The following SUSD6 variants were observed in gnomAD, a reference collection of about 807,000 sequenced individuals.
SUSD6 encodes sushi domain-containing protein 6.
A neutral mutation model predicts 28.4 loss-of-function variants in SUSD6; 16 were observed. The ratio of observed to expected loss-of-function variants is 0.56; its 90% CI spans 0.38 to 0.86. The LOEUF (loss-of-function observed/expected upper bound fraction) is 0.86. Ranked by LOEUF, SUSD6 falls within the 40% of genes least tolerant of loss-of-function variation. SUSD6 has a pLI of 0.00. For synonymous variants in SUSD6, 147 were observed against 159.6 expected (o/e 0.92, Z 0.59); for missense variants, 341 against 384.2 (o/e 0.89, Z 0.94).
chr14:69,646,696 C>T (rs1885431592), intron 1 of SUSD6, among the ~76,000 whole-genome samples: 4 of 113,752 alleles, frequency 3.5e-5, no homozygotes, highest in Admixed American at 2.2e-4. Flanking sequence ...TTTTTTTTTT[C>T]CATCTTTTTT....
intron 1 of SUSD6, among the ~76,000 whole-genome samples, chr14:69,654,666 C>T (rs1159222263): frequency 6.6e-6 from 1 of 152,036 alleles, no homozygotes; most frequent in African/African-American, 2.4e-5. Context: ...CAAAGTACAA[C>T]ACTCAATATA....
At chr14:69,670,647 C>A in intron 2 of SUSD6, 1 of 414,204 alleles carries the variant, frequency 2.4e-6, no homozygotes, top group South Asian at 1.7e-5. Context: ...ACTCTACGTC[C>A]CTCAGTTCTT....
intron 1 of SUSD6, among the ~76,000 whole-genome samples, chr14:69,640,412 T>G (rs1328636385): frequency 6.6e-6 from 1 of 152,098 alleles, no homozygotes; most frequent in Non-Finnish European, 1.5e-5. Context: ...TAGCTTACTG[T>G]AACCTCGAAC....
intron 1 of SUSD6, among the ~76,000 whole-genome samples, chr14:69,618,546 G>A (rs1884991552): frequency 6.6e-6 from 1 of 152,216 alleles, no homozygotes; most frequent in Non-Finnish European, 1.5e-5. Context: ...TGGTTACACT[G>A]CAGAGAAACA....
intron 3 of SUSD6, chr14:69,703,919 C>G (rs1207567990): frequency 2.9e-6 from 1 of 340,602 alleles, no homozygotes; most frequent in Non-Finnish European, 5.5e-6. Context: ...AATACCTTCT[C>G]TAATGTATCG....
chr14:69,685,182 G>C (rs543238397), intron 2 of SUSD6, among the ~76,000 whole-genome samples: 1 of 152,338 alleles, frequency 6.6e-6, no homozygotes, highest in South Asian at 2.1e-4. Flanking sequence ...TTGTCCTTTT[G>C]TGGTGGGTGA....
chr14:69,626,747 A>G (rs1885120453), intron 1 of SUSD6, among the ~76,000 whole-genome samples: 1 of 151,770 alleles, frequency 6.6e-6, no homozygotes, highest in South Asian at 2.1e-4. Flanking sequence ...TGGCTTGATC[A>G]TAGCTCACTA....
At chr14:69,667,370 C>CT (rs10611584) in intron 2 of SUSD6, among the ~76,000 whole-genome samples, 60 of 73,300 alleles carry the variant, frequency 8.2e-4, no homozygotes, top group African/African-American at 3.1e-3. Flanking sequence ...CTCACAGTTT[C>CT]TTTTTTTTTT....
intron 1 of SUSD6, among the ~76,000 whole-genome samples, chr14:69,641,502 C>T (rs1294938802): frequency 1.3e-5 from 2 of 152,008 alleles, no homozygotes; most frequent in Non-Finnish European, 2.9e-5. Flanking sequence ...TTTTCTTCTG[C>T]ATTGTCTAAT....
chr14:69,659,000 A>G (rs1885625596), intron 2 of SUSD6, among the ~76,000 whole-genome samples: 1 of 152,118 alleles, frequency 6.6e-6, no homozygotes, highest in African/African-American at 2.4e-5. Context: ...CACAATATGC[A>G]GGTTAAGGGG....
intron 1 of SUSD6, among the ~76,000 whole-genome samples, chr14:69,624,364 C>T (rs561876082): frequency 3.3e-5 from 5 of 152,200 alleles, no homozygotes; most frequent in South Asian, 4.1e-4. Flanking sequence ...AAAGTATCCA[C>T]GGAATCAGAG....
At chr14:69,703,794 A>G (rs1487010701) in intron 3 of SUSD6, 3 of 605,196 alleles carry the variant, frequency 5.0e-6, no homozygotes, top group East Asian at 5.6e-5. Context: ...ATTGCATTTC[A>G]TTGAGCCATC....
chr14:69,663,939 T>A (rs559027075), intron 2 of SUSD6, among the ~76,000 whole-genome samples: 1 of 151,912 alleles, frequency 6.6e-6, no homozygotes, highest in Non-Finnish European at 1.5e-5. Flanking sequence ...GATACAAGAG[T>A]CATCTCTGGG....
intron 2 of SUSD6, among the ~76,000 whole-genome samples, chr14:69,692,599 A>G (rs1182870472): frequency 3.3e-5 from 5 of 152,176 alleles, no homozygotes; most frequent in Admixed American, 2.0e-4. Flanking sequence ...TCTCTTCCTT[A>G]CTTGTATCCT....
chr14:69,695,342 A>G (rs887863542), intron 2 of SUSD6, among the ~76,000 whole-genome samples: 1 of 152,218 alleles, frequency 6.6e-6, no homozygotes, highest in Non-Finnish European at 1.5e-5. Context: ...GAATTTCTGC[A>G]TGGACAGGAT....
At chr14:69,703,288 TTCC>T in intron 2 of SUSD6, 104 bp from the exon 3 acceptor site, 5 of 884,154 alleles carry the variant, frequency 5.7e-6, no homozygotes, top group Non-Finnish European at 5.3e-6. Context: ...AAAGGGTTAT[TTCC>T]TCCTCCTGTG....
intron 1 of SUSD6, among the ~76,000 whole-genome samples, chr14:69,621,373 C>T (rs1395602579): frequency 1.3e-5 from 2 of 152,112 alleles, no homozygotes; most frequent in Non-Finnish European, 1.5e-5. Context: ...TGTTAAAAAG[C>T]TGTTAACATT....
At chr14:69,623,831 AAG>A (rs1478543219) in intron 1 of SUSD6, among the ~76,000 whole-genome samples, 3 of 152,228 alleles carry the variant, frequency 2.0e-5, no homozygotes, top group African/African-American at 7.2e-5. Context: ...GATATAAAGA[AAG>A]AAAATATTTT....
chr14:69,632,186 C>A lies in SUSD6; in HGVS notation c.-81+20358C>A, dbSNP rs968420636. On this transcript the variant is annotated intron_variant, in intron 1 of 5. Transcript: ENST00000342745. ...ATTAGGAAATACAGGTTAATGGCAACCCTTCCAGAGAGCACCACTGTTCAC... is the reference window on the plus strand; with the variant it reads ...ATTAGGAAATACAGGTTAATGGCAAACCTTCCAGAGAGCACCACTGTTCAC... 2.6e-5 allele frequency among the ~76,000 whole-genome samples: 4 copies of A among 152,196 alleles called. No homozygotes were observed. In the South Asian group the frequency reaches 8.3e-4, roughly 31 times the overall value.
Sources: gnomAD v4.1 joint callset for allele counts (sites outside exome capture counted in the v4.1 genomes callset) on GRCh38, gnomAD v4.1.1 for gene constraint, MANE v1.5 for transcripts, NCBI Gene and HGNC (gene_info 2026-07-23, HGNC 2026-07-21) for gene names.